Variants in FMNL2 observed in about 807,000 individuals in gnomAD.
The protein encoded by FMNL2 is formin like 2, also known as formin-like protein 2.
A neutral mutation model predicts 130.2 loss-of-function variants in FMNL2; 51 were observed. That is an observed-to-expected ratio of 0.39 (90% CI 0.31 to 0.49). FMNL2 has a LOEUF of 0.49. FMNL2 is among the 20% of genes least tolerant of loss of function. FMNL2 has a pLI of 0.85. For synonymous variants in FMNL2, 465 were observed against 467.1 expected, an observed-to-expected ratio of 1.00 and a Z score of 0.06; for missense variants, 977 against 1,316.2, an observed-to-expected ratio of 0.74 and a Z score of 3.99.
rs1165082758 is a variant in FMNL2 at position 152,397,337 on chromosome 2, T to TA, written c.117+61618dup. ...GTAGGTGGGGAAGACTTAGGGAAATTATTCGGATAGTTCAGTTCCTTTCCT... is the reference window on the plus strand; with the variant it reads ...GTAGGTGGGGAAGACTTAGGGAAATTAATTCGGATAGTTCAGTTCCTTTCCT... On this transcript the variant is annotated intron_variant, in intron 1 of 25. Coordinates refer to ENST00000288670, the MANE Select transcript of FMNL2 (RefSeq NM_052905.4). Among the ~76,000 whole-genome samples the TA allele has an allele frequency of 7.2e-5, 11 of 152,192 alleles. No individual in the cohort carries two copies. In the East Asian group the frequency reaches 2.1e-3, roughly 29 times the overall value.
intron 9 of FMNL2, among the ~76,000 whole-genome samples, chr2:152,603,164 G>C (rs1698177282): frequency 6.6e-6 from 1 of 152,174 alleles, no homozygotes; most frequent in South Asian, 2.1e-4. Flanking sequence ...TGTGCCTGTG[G>C]AATGTGTCAG....
intron 16 of FMNL2, among the ~76,000 whole-genome samples, 166 bp from the exon 17 acceptor site, chr2:152,626,359 C>T (rs1343150791): frequency 1.3e-5 from 2 of 152,084 alleles, no homozygotes; most frequent in Non-Finnish European, 2.9e-5. Flanking sequence ...TGTGTATGTG[C>T]CAGAAGTTGT....
At chr2:152,588,901 CA>C (rs1424526153) in intron 9 of FMNL2, among the ~76,000 whole-genome samples, 1 of 151,952 alleles carries the variant, frequency 6.6e-6, no homozygotes, top group African/African-American at 2.4e-5. Context: ...TTCTGAAAGT[CA>C]ATTAACAGTG....
chr2:152,415,462 G>C (rs115217152), intron 1 of FMNL2, among the ~76,000 whole-genome samples: 3,679 of 152,290 alleles, frequency 0.024, 139 homozygotes, highest in African/African-American at 0.085. Flanking sequence ...GTTTCCTAAA[G>C]CTGTTTTTGA....
chr2:152,415,788 T>A (rs901573820), intron 1 of FMNL2, among the ~76,000 whole-genome samples: 5 of 152,204 alleles, frequency 3.3e-5, no homozygotes, highest in Non-Finnish European at 5.9e-5. Flanking sequence ...AGAGAAAAGT[T>A]TTCCCAAGAT....
chr2:152,435,046 G>A (rs1687675787), intron 1 of FMNL2, among the ~76,000 whole-genome samples: 3 of 152,088 alleles, frequency 2.0e-5, no homozygotes, highest in African/African-American at 7.2e-5. Context: ...CTCAAGCAGA[G>A]AGATCAGAGA....
intron 9 of FMNL2, among the ~76,000 whole-genome samples, chr2:152,587,480 T>C (rs1427126966): frequency 6.6e-6 from 1 of 152,244 alleles, no homozygotes; most frequent in Non-Finnish European, 1.5e-5. Context: ...TCTTCTTTAC[T>C]CAATCCAATA....
chr2:152,437,744 A>G (rs1558863367), intron 1 of FMNL2, among the ~76,000 whole-genome samples: 1 of 152,226 alleles, frequency 6.6e-6, no homozygotes, highest in Non-Finnish European at 1.5e-5. Context: ...AACAACAGAA[A>G]CAAAAGTGAC....
At chr2:152,460,600 G>C (rs1689183413) in intron 1 of FMNL2, among the ~76,000 whole-genome samples, 1 of 152,198 alleles carries the variant, frequency 6.6e-6, no homozygotes, top group African/African-American at 2.4e-5. Flanking sequence ...TAGGAACCAG[G>C]CCGCACAAGG....
chr2:152,536,307 T>C lies in FMNL2; in HGVS notation c.202-6432T>C, dbSNP rs184680938. Among the ~76,000 whole-genome samples the C allele has an allele frequency of 2.0e-5, 3 of 152,342 alleles. No homozygotes were observed. In the East Asian group the frequency reaches 5.8e-4, roughly 29 times the overall value. On this transcript the variant is annotated intron_variant, in intron 2 of 25. Transcript: ENST00000288670. ...TATCTATTTTAGAGGGTAAAACCCT[T>C]GAGGATATGAATTATGTCTGTCAGC... is the stretch of plus-strand genomic sequence containing the variant.
At chr2:152,533,745 A>C (rs1407849168) in intron 2 of FMNL2, among the ~76,000 whole-genome samples, 1 of 152,086 alleles carries the variant, frequency 6.6e-6, no homozygotes, top group African/African-American at 2.4e-5. Context: ...ATCTATGAAC[A>C]TGGTACTCTA....
chr2:152,410,344 C>G (rs1686214660), intron 1 of FMNL2, among the ~76,000 whole-genome samples: 1 of 152,214 alleles, frequency 6.6e-6, no homozygotes, highest in Admixed American at 6.5e-5. Context: ...TGATTGGCGT[C>G]TCACTGCAGT....
At chr2:152,335,899 C>T (rs555426113) in intron 1 of FMNL2, among the ~76,000 whole-genome samples, 179 bp downstream of exon 1, 4 of 151,628 alleles carry the variant, frequency 2.6e-5, no homozygotes, top group African/African-American at 7.3e-5. Context: ...GGCAGTCCCC[C>T]GCGCTCAGTC....
intron 1 of FMNL2, among the ~76,000 whole-genome samples, chr2:152,402,684 C>G (rs1461891844): frequency 2.6e-5 from 4 of 152,106 alleles, no homozygotes; most frequent in East Asian, 1.9e-4. Flanking sequence ...AAAAAATAAA[C>G]TTTTTGTTGT....
chr2:152,518,882 T>C (rs566332830), intron 1 of FMNL2, among the ~76,000 whole-genome samples: 8 of 152,360 alleles, frequency 5.3e-5, no homozygotes, highest in African/African-American at 1.4e-4. Context: ...CGTCATTATG[T>C]TATTTATCTG....
chr2:152,478,827 C>G (rs900152370), intron 1 of FMNL2, among the ~76,000 whole-genome samples: 5 of 151,918 alleles, frequency 3.3e-5, no homozygotes, highest in African/African-American at 1.2e-4. Flanking sequence ...TACTAAAAAG[C>G]TTATATGGAT....
intron 9 of FMNL2, among the ~76,000 whole-genome samples, chr2:152,592,537 A>G (rs528831963): frequency 2.6e-4 from 40 of 152,302 alleles, no homozygotes; most frequent in Non-Finnish European, 1.3e-4. Flanking sequence ...TATTGTCAAC[A>G]TTAGTGTATT....
chr2:152,374,900 A>G (rs1684074845), intron 1 of FMNL2, among the ~76,000 whole-genome samples: 1 of 152,162 alleles, frequency 6.6e-6, no homozygotes. Flanking sequence ...GCCAGTGGAA[A>G]TCAGAGAGGT....
At chr2:152,566,317 A>G (rs1466924126) in intron 6 of FMNL2, among the ~76,000 whole-genome samples, 1 of 152,236 alleles carries the variant, frequency 6.6e-6, no homozygotes, top group Non-Finnish European at 1.5e-5. Context: ...ATTGGTGAGA[A>G]AGCCTTTTCT....
Sources: gnomAD v4.1 joint callset for allele counts (sites outside exome capture counted in the v4.1 genomes callset) on GRCh38, gnomAD v4.1.1 for gene constraint, MANE v1.5 for transcripts, NCBI Gene and HGNC (gene_info 2026-07-23, HGNC 2026-07-21) for gene names.